C3orf49: variants seen among roughly 807,000 people sequenced by gnomAD.
C3orf49 encodes the protein putative uncharacterized protein C3orf49.
A neutral mutation model predicts 13.3 loss-of-function variants in C3orf49; 27 were observed. That is an observed-to-expected ratio of 2.02 (90% CI 1.49 to 2.79). The LOEUF (loss-of-function observed/expected upper bound fraction) is 2.79. Ranked by LOEUF, C3orf49 falls within the 30% of genes most tolerant of loss-of-function variation. The pLI, the probability that C3orf49 is intolerant of heterozygous loss-of-function variation, is 0.00. For synonymous variants in C3orf49, 87 were observed against 47.6 expected (o/e 1.83, Z -3.40); for missense variants, 242 against 134.2 (o/e 1.80, Z -3.97).
chr3:63,835,999 T>C (rs544324039), intron 5 of C3orf49, among the ~76,000 whole-genome samples: 2 of 152,144 alleles, frequency 1.3e-5, no homozygotes, highest in African/African-American at 4.8e-5. Flanking sequence ...GAGAGCTGTG[T>C]TTTAAAAGGG....
chr3:63,796,852 A>C, the C3orf49 span, among the ~76,000 whole-genome samples: 1 of 152,098 alleles, frequency 6.6e-6, no homozygotes, highest in East Asian at 1.9e-4. Context: ...ATGCAGATCC[A>C]AGTTTCTGCG....
chr3:63,781,985 C>G, the C3orf49 span, among the ~76,000 whole-genome samples: 1 of 152,154 alleles, frequency 6.6e-6, no homozygotes, highest in African/African-American at 2.4e-5. Context: ...GATTTGACCC[C>G]GAGCCTATCT....
the C3orf49 span, among the ~76,000 whole-genome samples, chr3:63,801,987 C>T: frequency 3.3e-5 from 5 of 152,188 alleles, no homozygotes; most frequent in Admixed American, 6.5e-5. Flanking sequence ...ATTCTTTACA[C>T]TGGGAGAAAA....
the C3orf49 span, among the ~76,000 whole-genome samples, chr3:63,809,648 C>G: frequency 2.6e-5 from 4 of 152,184 alleles, no homozygotes; most frequent in Non-Finnish European, 4.4e-5. Flanking sequence ...TCTTCTACCA[C>G]TCTTGCTCTC....
intron 5 of C3orf49, chr3:63,835,409 T>C: frequency 6.2e-7 from 1 of 1,611,192 alleles, no homozygotes. Flanking sequence ...AATAAAACAG[T>C]GTTACATTTT....
At chr3:63,799,422 G>T in the C3orf49 span, among the ~76,000 whole-genome samples, 6 of 152,104 alleles carry the variant, frequency 3.9e-5, no homozygotes, top group African/African-American at 1.4e-4. Flanking sequence ...ATTACCAAAA[G>T]TTGTAAATAT....
chr3:63,835,667 T>A lies in C3orf49; in HGVS notation c.849+3823T>A, dbSNP rs182105172. Among the ~76,000 whole-genome samples the A allele has an allele frequency of 9.9e-5, 15 of 152,188 alleles. 1 individual carries two copies. The East Asian group carries it at 2.1e-3, about 22-fold the overall frequency. ...ATAACAAGACCCAAGAAATGATACA[T>A]ATTGTGAAGTTTAACTTCGAGGGTT... is the stretch of plus-strand genomic sequence containing the variant. On this transcript the variant is annotated intron_variant, in intron 5 of 6. Transcript: ENST00000295896.
chr3:63,795,524 C>T, the C3orf49 span, among the ~76,000 whole-genome samples: 1 of 152,124 alleles, frequency 6.6e-6, no homozygotes, highest in Non-Finnish European at 1.5e-5. Context: ...CAGCCCTATA[C>T]TTCTGGGAGA....
upstream of C3orf49, among the ~76,000 whole-genome samples, chr3:63,816,134 TG>T (rs1438568331): frequency 3.3e-5 from 5 of 151,592 alleles, no homozygotes; most frequent in African/African-American, 1.2e-4. Flanking sequence ...TTGTTGATTT[TG>T]TTTTTTTTTT....
At chr3:63,828,233 G>A (rs1410418267) in intron 3 of C3orf49, among the ~76,000 whole-genome samples, 1 of 152,206 alleles carries the variant, frequency 6.6e-6, no homozygotes, top group Non-Finnish European at 1.5e-5. Context: ...AGACAGTGCA[G>A]CGTAGATTAT....
chr3:63,834,026 T>G (rs1019530826), intron 5 of C3orf49: 177 of 1,108,400 alleles, frequency 1.6e-4, no homozygotes, highest in Non-Finnish European at 2.3e-4. Flanking sequence ...AAACAGAGTA[T>G]TTTACTGCCA....
At chr3:63,805,003 T>C in the C3orf49 span, 1 of 152,200 alleles carries the variant, frequency 6.6e-6, no homozygotes, top group Non-Finnish European at 1.5e-5. Context: ...GACCTTGTGG[T>C]ATCAAGTGAT....
At chr3:63,790,424 C>G in the C3orf49 span, among the ~76,000 whole-genome samples, 1 of 152,134 alleles carries the variant, frequency 6.6e-6, no homozygotes, top group South Asian at 2.1e-4. Flanking sequence ...GATTTTCAAC[C>G]TTGGCTATAC....
the C3orf49 span, among the ~76,000 whole-genome samples, chr3:63,797,679 C>G: frequency 2.0e-5 from 3 of 152,152 alleles, no homozygotes; most frequent in African/African-American, 7.2e-5. Context: ...GTTTACCTGT[C>G]ACTCCAGATT....
chr3:63,840,697 G>A (rs1327934809), intron 5 of C3orf49, among the ~76,000 whole-genome samples: 6 of 152,166 alleles, frequency 3.9e-5, no homozygotes, highest in African/African-American at 1.4e-4. Context: ...GTTCTTTCCT[G>A]GACAAAATGA....
the C3orf49 span, among the ~76,000 whole-genome samples, chr3:63,792,151 A>G: frequency 0.093 from 14,191 of 152,260 alleles, 1,642 homozygotes; most frequent in African/African-American, 0.27. Flanking sequence ...CATGACTACC[A>G]GCTACAGTAT....
chr3:63,842,043 T>C (rs568775876), intron 5 of C3orf49, among the ~76,000 whole-genome samples: 1 of 152,058 alleles, frequency 6.6e-6, no homozygotes, highest in Non-Finnish European at 1.5e-5. Context: ...GGGGAGTGAG[T>C]GCCCTGATTG....
chr3:63,842,367 T>C (rs968041277), intron 5 of C3orf49, among the ~76,000 whole-genome samples: 3 of 152,130 alleles, frequency 2.0e-5, no homozygotes, highest in African/African-American at 7.2e-5. Context: ...ATTGGTGGAA[T>C]GTAAATTAGT....
At chr3:63,784,328 T>A in the C3orf49 span, among the ~76,000 whole-genome samples, 272 of 152,284 alleles carry the variant, frequency 1.8e-3, no homozygotes, top group African/African-American at 5.9e-3. Context: ...TTGTGCATAA[T>A]CACTCTTCCA....
Sources: allele counts gnomAD v4.1 joint callset (sites outside exome capture counted in the v4.1 genomes callset), GRCh38; gene constraint gnomAD v4.1.1; transcripts MANE v1.5; gene names NCBI Gene and HGNC (gene_info 2026-07-23, HGNC 2026-07-21).